CLPSL1: variants seen among roughly 807,000 people sequenced by gnomAD.
CLPSL1 encodes the protein colipase-like protein 1.
In CLPSL1, 13 loss-of-function variants were observed where a neutral mutation model predicts 9.3. The observed-to-expected ratio is 1.40, with a 90% confidence interval of 0.91 to 2.22. The LOEUF (loss-of-function observed/expected upper bound fraction) is 2.22, where lower values mean the gene tolerates loss of function less well. CLPSL1 is among the 30% of genes most tolerant of loss of function. The pLI, the probability that CLPSL1 is intolerant of heterozygous loss-of-function variation, is 0.00. For synonymous variants in CLPSL1, 58 were observed against 56.9 expected (o/e 1.02, Z -0.08); for missense variants, 164 against 146.6 (o/e 1.12, Z -0.61).
At chr6:35,792,868 G>T (rs1230859492), downstream of CLPSL1, among the ~76,000 whole-genome samples, 2 of 152,274 alleles carry the variant, frequency 1.3e-5, no homozygotes, top group African/African-American at 4.8e-5. Flanking sequence ...CCCCTCCTGG[G>T]TTAAGGTATT....
chr6:35,793,817 A>T, downstream of CLPSL1: 1 of 334,150 alleles, frequency 3.0e-6, no homozygotes, highest in Non-Finnish European at 5.9e-6. Context: ...ACTGTCCCTC[A>T]CTCTCTGTGG....
chr6:35,792,540 C>T (rs1465611268), downstream of CLPSL1, among the ~76,000 whole-genome samples: 1 of 152,274 alleles, frequency 6.6e-6, no homozygotes, highest in African/African-American at 2.4e-5. Context: ...TGTGGTTAGA[C>T]TGTGCCTCTG....
rs1196159956 is a variant in CLPSL1, at chr6:35,781,050, A to T, written c.-61A>T. 19 of 1,598,254 alleles carry T rather than the reference A, an allele frequency of 1.2e-5. No homozygotes were observed. The highest frequency in any genetic ancestry group is 4.0e-5 in the African/African-American group (3 of 74,550). On this transcript the variant is annotated 5_prime_UTR_variant, in exon 1 of 3. Transcript: ENST00000373861. ...TGTTCCCACAGCTGGGAGGACACCC[A>T]CATGGTCGGCGTGCAGGATATTTCG...
chr6:35,788,860 G>A (rs576903495), downstream of CLPSL1, among the ~76,000 whole-genome samples: 7 of 152,378 alleles, frequency 4.6e-5, no homozygotes, highest in African/African-American at 1.7e-4. Flanking sequence ...TGTGAGTAGT[G>A]CCTGTTATAT....
At chr6:35,790,908 G>A (rs1432882076), downstream of CLPSL1, among the ~76,000 whole-genome samples, 2 of 152,240 alleles carry the variant, frequency 1.3e-5, no homozygotes, top group Non-Finnish European at 2.9e-5. Context: ...ATAGCCGGTG[G>A]TGGCACGCAC....
chr6:35,786,292 G>C (rs1387044643), intron 1 of CLPSL1, among the ~76,000 whole-genome samples: 2 of 152,332 alleles, frequency 1.3e-5, no homozygotes, highest in East Asian at 3.9e-4. Flanking sequence ...CAGCTCCTCA[G>C]TTGCACTACC....
downstream of CLPSL1, chr6:35,788,216 G>T (rs1284784101): frequency 5.2e-6 from 3 of 578,076 alleles, no homozygotes; most frequent in East Asian, 3.7e-5. Context: ...AGGTTTCTGG[G>T]GGGTGGGGAG....
chr6:35,790,193 A>C (rs537228248), downstream of CLPSL1, among the ~76,000 whole-genome samples: 12 of 152,376 alleles, frequency 7.9e-5, no homozygotes, highest in Non-Finnish European at 1.5e-5. Flanking sequence ...TCAGCCTCTC[A>C]AAATGCTGGG....
downstream of CLPSL1, among the ~76,000 whole-genome samples, chr6:35,788,376 C>T (rs6457852): frequency 6.6e-6 from 1 of 151,980 alleles, no homozygotes; most frequent in Non-Finnish European, 1.5e-5. Flanking sequence ...ATCTACCCCC[C>T]GGAAGCCCAG....
rs537873756 is a variant in CLPSL1, at chr6:35,788,074, G to C, written c.*64G>C. 1.2e-4 allele frequency: 156 copies of C among 1,283,374 alleles called. 1 individual carries two copies. In the South Asian group the frequency reaches 1.7e-3, roughly 14 times the overall value. The allele number at this position is 1,283,374 out of a possible 1,614,324, so 79.5% of individuals were successfully genotyped here. Reference sequence around the variant, plus strand: ...CTCTCCTCCCTACCCAGAGCTCTGTGTTCACCCTGTTCCCCAGAGCCTCCA... The same window carrying C: ...CTCTCCTCCCTACCCAGAGCTCTGTCTTCACCCTGTTCCCCAGAGCCTCCA... On this transcript the variant is annotated 3_prime_UTR_variant, in exon 3 of 3. Coordinates refer to ENST00000373861, the MANE Select transcript of CLPSL1 (RefSeq NM_001010886.5).
At chr6:35,786,129 G>A (rs2151060997) in intron 1 of CLPSL1, among the ~76,000 whole-genome samples, 1 of 152,236 alleles carries the variant, frequency 6.6e-6, no homozygotes, top group Admixed American at 6.5e-5. Context: ...GCCAGGCATG[G>A]TGGCGCACGG....
downstream of CLPSL1, among the ~76,000 whole-genome samples, chr6:35,793,828 G>T (rs536575436): frequency 3.9e-5 from 6 of 152,360 alleles, no homozygotes; most frequent in African/African-American, 1.4e-4. Flanking sequence ...CTCTCTGTGG[G>T]AATCTCCTCT....
At chr6:35,784,422 C>T (rs1008812424) in intron 1 of CLPSL1, among the ~76,000 whole-genome samples, 2 of 152,090 alleles carry the variant, frequency 1.3e-5, no homozygotes, top group African/African-American at 4.8e-5. Context: ...GAGGCATGTC[C>T]AACCCCCACT....
At chr6:35,786,851 C>G in intron 1 of CLPSL1, 147 bp from the exon 2 acceptor site, 1 of 1,050,848 alleles carries the variant, frequency 9.5e-7, no homozygotes, top group Non-Finnish European at 1.4e-6. Flanking sequence ...CCGGCCCCCA[C>G]GTAGAGACCA....
chr6:35,792,259 G>T (rs559939932), downstream of CLPSL1, among the ~76,000 whole-genome samples: 3 of 151,900 alleles, frequency 2.0e-5, no homozygotes, highest in South Asian at 6.2e-4. Context: ...GGGTCACAGA[G>T]TGAGACCCTG....
chr6:35,788,020 C>T lies in CLPSL1; in HGVS notation c.*10C>T, dbSNP rs560420084. On this transcript the variant is annotated 3_prime_UTR_variant, in exon 3 of 3. Transcript: ENST00000373861. ...GAAAATGTTCTTCTAGTGCTCCCTC[C>T]TTCTTGCTGCCTCCTCCTCCTCCAC... 3.1e-6 allele frequency: 5 copies of T among 1,592,568 alleles called. No individual in the cohort carries two copies. The East Asian group carries it at 1.1e-4, about 36-fold the overall frequency.
At chr6:35,791,482 C>G (rs1329941568), downstream of CLPSL1, among the ~76,000 whole-genome samples, 1 of 151,998 alleles carries the variant, frequency 6.6e-6, no homozygotes, top group African/African-American at 2.4e-5. Context: ...GGAGGGCACG[C>G]CTGTAATCCC....
chr6:35,781,588 G>A (rs910547656), intron 1 of CLPSL1, among the ~76,000 whole-genome samples: 1 of 152,106 alleles, frequency 6.6e-6, no homozygotes, highest in African/African-American at 2.4e-5. Context: ...TTGTAGAGCT[G>A]TCACTCTAGT....
chr6:35,787,990 G>C lies in CLPSL1; in HGVS notation c.346G>C (p.Ala116Pro), dbSNP rs372544403. The C allele has an allele frequency of 6.2e-7, 1 of 1,613,332 alleles. No homozygotes were observed. The highest frequency in any genetic ancestry group is 8.5e-7 in the Non-Finnish European group (1 of 1,179,272). ...TCAGAAAATTGGAAGGCAGAAGTTG[G>C]CTAAGAAAATGTTCTTCTAGTGCTC... ...RCQKIGRQKL[A>P]KKMFF The change falls in exon 3 of 3, where the codon GCT (alanine) becomes CCT (proline). Residue 116 changes from alanine to proline, a missense_variant. Coordinates refer to ENST00000373861, the MANE Select transcript of CLPSL1 (RefSeq NM_001010886.5).
Sources: gnomAD v4.1 joint callset for allele counts (sites outside exome capture counted in the v4.1 genomes callset) on GRCh38, gnomAD v4.1.1 for gene constraint, MANE v1.5 for transcripts, NCBI Gene and HGNC (gene_info 2026-07-23, HGNC 2026-07-21) for gene names.